KLHDC1: variants seen among roughly 807,000 people sequenced by gnomAD.
KLHDC1 encodes the protein kelch domain containing 1.
A neutral mutation model predicts 68.3 loss-of-function variants in KLHDC1; 53 were observed. The ratio of observed to expected loss-of-function variants is 0.78; its 90% CI spans 0.62 to 0.98. The LOEUF (loss-of-function observed/expected upper bound fraction) is 0.98. Among genes scored for constraint, KLHDC1 ranks in the 50% least tolerant of loss-of-function variants. The pLI is 0.00. For synonymous variants in KLHDC1, 148 were observed against 159.0 expected (o/e 0.93, Z 0.52); for missense variants, 470 against 492.3 (o/e 0.95, Z 0.43).
At chr14:49,748,051 G>A (rs904187664) in intron 12 of KLHDC1, among the ~76,000 whole-genome samples, 6 of 152,202 alleles carry the variant, frequency 3.9e-5, no homozygotes, top group African/African-American at 1.4e-4. Context: ...GTAAGGGAAT[G>A]TAAGAATTAA....
At chr14:49,719,695 T>A (rs1888477034) in intron 4 of KLHDC1, among the ~76,000 whole-genome samples, 2 of 152,112 alleles carry the variant, frequency 1.3e-5, no homozygotes, top group Admixed American at 6.6e-5. Context: ...CCTCCCAAAG[T>A]GCTGGGATTA....
chr14:49,693,472 C>T (rs1167999274), intron 1 of KLHDC1, among the ~76,000 whole-genome samples, 182 bp downstream of exon 1: 1 of 151,842 alleles, frequency 6.6e-6, no homozygotes, highest in East Asian at 1.9e-4. Flanking sequence ...TGACGTCGTC[C>T]CGCCGTTGCT....
chr14:49,740,530 G>A (rs1387609571), intron 11 of KLHDC1, among the ~76,000 whole-genome samples: 2 of 152,012 alleles, frequency 1.3e-5, no homozygotes, highest in East Asian at 3.9e-4. Flanking sequence ...GTAGAGAGAC[G>A]GGGTTTCACC....
rs746883543 is a variant in KLHDC1, at chr14:49,729,557, G to A, written c.710+9G>A. The A allele has an allele frequency of 5.1e-6, 8 of 1,576,174 alleles. No homozygotes were observed. The East Asian group carries it at 1.8e-4, about 35-fold the overall frequency. ...TGGACTTGGTCTGGAAGGTAAGTTT[G>A]AAGTCTAAGTACGTTTTAATCTATA... On this transcript the variant is annotated intron_variant, in intron 8 of 12. Coordinates refer to ENST00000359332, the MANE Select transcript of KLHDC1 (RefSeq NM_172193.3).
At chr14:49,706,226 C>A (rs919304978) in intron 1 of KLHDC1, among the ~76,000 whole-genome samples, 6 of 152,104 alleles carry the variant, frequency 3.9e-5, no homozygotes, top group Admixed American at 6.6e-5. Flanking sequence ...CATGTAAGAA[C>A]ATGTGATGTT....
At chr14:49,727,747 A>T (rs575875214) in intron 6 of KLHDC1, among the ~76,000 whole-genome samples, 1 of 152,356 alleles carries the variant, frequency 6.6e-6, no homozygotes, top group South Asian at 2.1e-4. Flanking sequence ...TTTAAGTGTT[A>T]TATAGGTAAT....
chr14:49,710,558 G>A (rs960372469), intron 4 of KLHDC1, among the ~76,000 whole-genome samples, 177 bp downstream of exon 4: 1 of 152,020 alleles, frequency 6.6e-6, no homozygotes, highest in Non-Finnish European at 1.5e-5. Context: ...TAAACTTTTT[G>A]TTGTCTTACT....
intron 8 of KLHDC1, among the ~76,000 whole-genome samples, chr14:49,729,936 A>G (rs1408711743): frequency 1.3e-5 from 2 of 152,156 alleles, no homozygotes; most frequent in East Asian, 1.9e-4. Context: ...CAACTTAGCA[A>G]TTTGTATAAT....
At chr14:49,711,240 C>G (rs752728495) in intron 4 of KLHDC1, among the ~76,000 whole-genome samples, 3 of 151,740 alleles carry the variant, frequency 2.0e-5, no homozygotes, top group Non-Finnish European at 4.4e-5. Context: ...CTCGCTCTGT[C>G]GCCTAGGCTG....
chr14:49,713,815 TATATATATATATATATATATATA>T (rs1888277694), intron 4 of KLHDC1, among the ~76,000 whole-genome samples: 1 of 5,148 alleles, frequency 1.9e-4, no homozygotes, highest in Non-Finnish European at 3.5e-3. Context: ...TATATATATA[TATATATATATATATATATATATA>T]TATATATATA....
intron 10 of KLHDC1, among the ~76,000 whole-genome samples, chr14:49,737,355 C>T (rs8011961): frequency 0.91 from 138,629 of 152,244 alleles, 64,525 homozygotes; most frequent in East Asian, 1. Flanking sequence ...AATGTGTACA[C>T]GATTGTTTGA....
intron 4 of KLHDC1, among the ~76,000 whole-genome samples, chr14:49,723,582 T>G (rs925768886): frequency 3.3e-5 from 5 of 152,112 alleles, no homozygotes; most frequent in Admixed American, 2.0e-4. Context: ...CCAATATAAA[T>G]GTAGCTGTTA....
rs530246542 is a variant in KLHDC1 at position 49,717,225 on chromosome 14, G to A, written c.405-6649G>A. ...GTTTTCAATTCTTTTGAGTATATACGTTAAGAATAGAACTGTTGGGTCATT... is the reference window on the plus strand; with the variant it reads ...GTTTTCAATTCTTTTGAGTATATACATTAAGAATAGAACTGTTGGGTCATT... On this transcript the variant is annotated intron_variant, in intron 4 of 12. Transcript: ENST00000359332. 1.4e-4 allele frequency among the ~76,000 whole-genome samples: 22 copies of A among 152,226 alleles called. No individual in the cohort carries two copies. In the East Asian group the frequency reaches 1.7e-3, roughly 12 times the overall value.
chr14:49,693,227 G>A lies in KLHDC1; in HGVS notation c.33G>A (p.Glu11=), dbSNP rs1017526465. The change falls in exon 1 of 13, where the codon GAG becomes GAA. Residue 11 remains glutamate (E), a synonymous_variant. Coordinates refer to ENST00000359332, the MANE Select transcript of KLHDC1 (RefSeq NM_172193.3). Reference sequence around the variant, plus strand: ...ACTCTCAGCTGTTCTGTGTGGCGGAGGAACGCAGCGGCCACTGCGCCGTGG... The same window carrying A: ...ACTCTCAGCTGTTCTGTGTGGCGGAAGAACGCAGCGGCCACTGCGCCGTGG... The part of the protein sequence containing the change: MADSQLFCVA[E]ERSGHCAVVD... The A allele has an allele frequency of 1.9e-6, 3 of 1,575,460 alleles. No homozygotes were observed. The highest frequency in any genetic ancestry group is 2.6e-6 in the Non-Finnish European group (3 of 1,163,152).
Position 49,729,391 on chromosome 14 carries a change from TAGAG to T in KLHDC1, c.652-97_652-94del, listed in dbSNP as rs1387899768. 6.6e-6 allele frequency: 5 copies of T among 754,356 alleles called. No homozygotes were observed. The East Asian group carries it at 1.3e-4, about 20-fold the overall frequency. 46.7% of individuals were successfully genotyped at this position (754,356 alleles called of 1,614,324 possible). A position where few individuals can be genotyped will look rare whatever the true frequency, so the allele number is the denominator to read the frequency against. On this transcript the variant is annotated intron_variant, in intron 7 of 12. Coordinates refer to ENST00000359332, the MANE Select transcript of KLHDC1 (RefSeq NM_172193.3). ...GTTAAACATCTTATGTGAAGTAAAA[TAGAG>T]ATAGTCTATTTTTAATCTGAACTTA...
intron 9 of KLHDC1, 125 bp downstream of exon 9, chr14:49,732,941 A>C: frequency 3.4e-6 from 2 of 596,748 alleles, no homozygotes; most frequent in Non-Finnish European, 5.9e-6. Context: ...ATCCTCAATT[A>C]TTTTCTTGCA....
chr14:49,696,814 A>G (rs891351092), intron 1 of KLHDC1, among the ~76,000 whole-genome samples: 5 of 145,628 alleles, frequency 3.4e-5, no homozygotes, highest in Non-Finnish European at 7.5e-5. Flanking sequence ...GGCCTGTATT[A>G]GCTTTTGACA....
At chr14:49,697,578 A>G (rs542820602) in intron 1 of KLHDC1, among the ~76,000 whole-genome samples, 8 of 152,372 alleles carry the variant, frequency 5.3e-5, no homozygotes, top group East Asian at 3.9e-4. Flanking sequence ...CAAACCTTCA[A>G]TTTATTTAAA....
At chr14:49,713,850 A>ATATATATATT (rs1888295151) in intron 4 of KLHDC1, among the ~76,000 whole-genome samples, 1 of 50,222 alleles carries the variant, frequency 2.0e-5, no homozygotes, top group African/African-American at 8.7e-5. Flanking sequence ...ATATATATAT[A>ATATATATATT]TTTTTTTTTT....
Sources: allele counts gnomAD v4.1 joint callset (sites outside exome capture counted in the v4.1 genomes callset), GRCh38; gene constraint gnomAD v4.1.1; transcripts MANE v1.5; gene names NCBI Gene and HGNC (gene_info 2026-07-23, HGNC 2026-07-21).